Variants in RYR2 observed in about 807,000 individuals in gnomAD.
The protein encoded by RYR2 is cardiac muscle ryanodine receptor-calcium release channel.
A neutral mutation model predicts 601.1 loss-of-function variants in RYR2; 227 were observed. The observed-to-expected ratio is 0.38, with a 90% confidence interval of 0.34 to 0.42. RYR2 has a LOEUF of 0.42. Among genes scored for constraint, RYR2 ranks in the 10% least tolerant of loss-of-function variants. RYR2 has a pLI of 1.00. For missense variants in RYR2, 4,646 were observed against 6,156.5 expected (o/e 0.75, Z 8.21); for synonymous variants, 2,223 against 2,175.1 (o/e 1.02, Z -0.61).
chr1:237,613,931 C>T, intron 36 of RYR2, 108 bp from the exon 37 acceptor site: 2 of 1,016,276 alleles, frequency 2.0e-6, no homozygotes, highest in Non-Finnish European at 2.9e-6. Context: ...TGTCTATTCC[C>T]ATAACTTTTT....
At position 237,631,546 on chromosome 1, in the gene RYR2, C is replaced by A. The variant is rs758120433; in HGVS notation, c.6555+5C>A. On this transcript the variant is annotated splice_donor_5th_base_variant and intron_variant, in intron 42 of 104. Transcript: ENST00000366574. ...CTTGGAGGTGGAGAGTCCAAGGTAA[C>A]GTCTTTGATTCCTGAGATGCTATTT... 1 of 1,511,680 alleles carries A rather than the reference C, an allele frequency of 6.6e-7. No individual in the cohort carries two copies. Among genetic ancestry groups the A allele is most frequent in the Non-Finnish European group, 9.0e-7 (1 of 1,111,570 alleles). The allele number at this position is 1,511,680 out of a possible 1,614,324, so 93.6% of individuals were successfully genotyped here.
intron 2 of RYR2, among the ~76,000 whole-genome samples, chr1:237,319,904 G>T (rs1485389650): frequency 6.6e-6 from 1 of 152,158 alleles, no homozygotes; most frequent in Admixed American, 6.5e-5. Context: ...TTTCATAGAT[G>T]GTGCAGTGTG....
chr1:237,593,789 A>T (rs915506383), intron 33 of RYR2, among the ~76,000 whole-genome samples, 153 bp downstream of exon 33: 11 of 152,224 alleles, frequency 7.2e-5, no homozygotes, highest in Non-Finnish European at 1.2e-4. Context: ...TTTGTTATTC[A>T]TACAAACCAG....
intron 77 of RYR2, 26 bp downstream of exon 77, chr1:237,730,382 T>C (rs764121152): frequency 8.1e-7 from 1 of 1,235,786 alleles, no homozygotes; most frequent in Non-Finnish European, 1.2e-6. Flanking sequence ...GGCTCTAAGA[T>C]GAAAGAGGGT....
chr1:237,047,375 C>G (rs1234056590), intron 1 of RYR2, among the ~76,000 whole-genome samples: 1 of 144,226 alleles, frequency 6.9e-6, no homozygotes, highest in African/African-American at 2.6e-5. Context: ...AGATTGGAAT[C>G]CATCCTTTCT....
chr1:237,095,725 A>G (rs1667441911), intron 1 of RYR2, among the ~76,000 whole-genome samples: 1 of 152,198 alleles, frequency 6.6e-6, no homozygotes. Flanking sequence ...TGGGGAGATT[A>G]TATGCAAAGG....
chr1:237,073,289 C>G (rs1664610003), intron 1 of RYR2, among the ~76,000 whole-genome samples: 1 of 152,064 alleles, frequency 6.6e-6, no homozygotes, highest in South Asian at 2.1e-4. Context: ...GAAGATCGTG[C>G]CAGGTAGTTG....
chr1:237,137,264 T>C (rs947463058), intron 1 of RYR2, among the ~76,000 whole-genome samples: 9 of 152,172 alleles, frequency 5.9e-5, no homozygotes, highest in African/African-American at 2.2e-4. Flanking sequence ...CAGTGGGGCA[T>C]GGTACTTACC....
At chr1:237,559,820 CATT>C (rs1671276451) in intron 27 of RYR2, among the ~76,000 whole-genome samples, 1 of 152,130 alleles carries the variant, frequency 6.6e-6, no homozygotes, top group African/African-American at 2.4e-5. Context: ...TGCTTATTGT[CATT>C]GTTGTTTGCT....
chr1:237,669,479 G>A (rs1263340905), intron 58 of RYR2, among the ~76,000 whole-genome samples: 7 of 137,296 alleles, frequency 5.1e-5, no homozygotes, highest in South Asian at 5.0e-4. Context: ...CTCACCTCCC[G>A]GACGGGGCGG....
intron 29 of RYR2, among the ~76,000 whole-genome samples, chr1:237,573,693 T>G (rs1469764805): frequency 2.6e-5 from 4 of 151,570 alleles, no homozygotes; most frequent in Non-Finnish European, 5.9e-5. Flanking sequence ...GCACTTGTAG[T>G]TCCAGCTACT....
At chr1:237,218,401 G>C (rs1219638790) in intron 1 of RYR2, among the ~76,000 whole-genome samples, 1 of 152,130 alleles carries the variant, frequency 6.6e-6, no homozygotes, top group African/African-American at 2.4e-5. Context: ...TATAGGACGT[G>C]TATGCATTAT....
intron 6 of RYR2, among the ~76,000 whole-genome samples, chr1:237,374,110 A>G (rs1358191710): frequency 6.6e-6 from 1 of 152,194 alleles, no homozygotes; most frequent in East Asian, 1.9e-4. Flanking sequence ...CCTCACAGAC[A>G]TTTAAAAATC....
At chr1:237,724,309 C>G (rs1055375544) in intron 74 of RYR2, among the ~76,000 whole-genome samples, 15 of 149,532 alleles carry the variant, frequency 1.0e-4, no homozygotes, top group Non-Finnish European at 1.9e-4. Context: ...ATTATCATAG[C>G]AATAATAAAC....
At chr1:237,637,811 A>G (rs1681032665) in intron 44 of RYR2, among the ~76,000 whole-genome samples, 1 of 152,186 alleles carries the variant, frequency 6.6e-6, no homozygotes, top group South Asian at 2.1e-4. Flanking sequence ...ATTCAGAAAC[A>G]TTCTTCTTTC....
At chr1:237,580,768 G>T (rs1559061060) in intron 29 of RYR2, among the ~76,000 whole-genome samples, 1 of 152,308 alleles carries the variant, frequency 6.6e-6, no homozygotes, top group East Asian at 1.9e-4. Flanking sequence ...CCTTAATCCA[G>T]TATGGCTGGT....
intron 17 of RYR2, among the ~76,000 whole-genome samples, chr1:237,481,107 CATAT>C (rs376529507): frequency 0.078 from 11,170 of 143,036 alleles, 874 homozygotes; most frequent in African/African-American, 0.19. Flanking sequence ...TGTATATATA[CATAT>C]ATATATATAT....
intron 1 of RYR2, among the ~76,000 whole-genome samples, chr1:237,139,309 A>G (rs1210779368): frequency 6.6e-6 from 1 of 152,246 alleles, no homozygotes; most frequent in Non-Finnish European, 1.5e-5. Context: ...TTCCACTGAT[A>G]TGAAATATCC....
chr1:237,624,748 T>A (rs1048278418), intron 39 of RYR2, among the ~76,000 whole-genome samples: 14 of 152,234 alleles, frequency 9.2e-5, no homozygotes, highest in African/African-American at 3.1e-4. Context: ...TGGACGTGTG[T>A]GTGTTTTTAT....
Sources: gnomAD v4.1 joint callset for allele counts (sites outside exome capture counted in the v4.1 genomes callset) on GRCh38, gnomAD v4.1.1 for gene constraint, MANE v1.5 for transcripts, NCBI Gene and HGNC (gene_info 2026-07-23, HGNC 2026-07-21) for gene names.